Variants in RGS6 observed in about 807,000 individuals in gnomAD.
RGS6 encodes the protein regulator of G protein signaling 6, also known as regulator of G-protein signaling 6.
Under a neutral mutation model 78.5 loss-of-function variants are expected in RGS6, and 30 were observed. The observed-to-expected ratio is 0.38, with a 90% confidence interval of 0.29 to 0.52. RGS6 has a LOEUF of 0.52. Ranked by LOEUF, RGS6 falls within the 20% of genes least tolerant of loss-of-function variation. The pLI is 0.85. For missense variants in RGS6, 495 were observed against 609.7 expected (o/e 0.81, Z 1.98); for synonymous variants, 206 against 206.0 (o/e 1.00, Z 0.00).
In RGS6 at chr14:72,283,568, A is replaced by G. The variant is rs568946708; in HGVS notation, c.85-68527A>G. ...CACTCTCTCTTGTCTGCCACCATGT[A>G]AGACATGCCTTTTGCCTTCCACCAT... On this transcript the variant is annotated intron_variant, in intron 2 of 17. Coordinates refer to ENST00000553525, the MANE Select transcript of RGS6 (RefSeq NM_001204424.2). Among the ~76,000 whole-genome samples, 6 of 152,206 alleles carry G rather than the reference A, an allele frequency of 3.9e-5. No homozygotes were observed. In the East Asian group the frequency reaches 1.2e-3, roughly 29 times the overall value.
the RGS6 span, among the ~76,000 whole-genome samples, chr14:71,893,335 C>T: frequency 6.6e-6 from 1 of 152,274 alleles, no homozygotes. Context: ...TTTACATAAA[C>T]AGGATATAAG....
At position 72,462,414 on chromosome 14, in the gene RGS6, C is replaced by G. The variant is rs151082570; in HGVS notation, c.394+2731C>G. ...TTGTGGGTCCCCAACAATGAACACA[C>G]TTTCCCAAGTTTTTTCCCTACTTGG... On this transcript the variant is annotated intron_variant, in intron 6 of 17. Coordinates refer to ENST00000553525, the MANE Select transcript of RGS6 (RefSeq NM_001204424.2). 8.7e-4 allele frequency among the ~76,000 whole-genome samples: 133 copies of G among 152,264 alleles called. 3 individuals carry two copies. In the East Asian group the frequency reaches 0.023, roughly 26 times the overall value.
intron 2 of RGS6, among the ~76,000 whole-genome samples, chr14:72,210,297 G>A (rs1369676340): frequency 7.2e-5 from 11 of 152,270 alleles, no homozygotes. Flanking sequence ...GTTCCTTTTT[G>A]CTGCTAGAGA....
At chr14:72,360,909 T>C (rs2081321845) in intron 3 of RGS6, among the ~76,000 whole-genome samples, 1 of 152,106 alleles carries the variant, frequency 6.6e-6, no homozygotes, top group Non-Finnish European at 1.5e-5. Context: ...GCTATTCTCA[T>C]GATAGTGAGC....
intron 2 of RGS6, among the ~76,000 whole-genome samples, chr14:72,186,391 G>C (rs72719876): frequency 6.6e-6 from 1 of 152,226 alleles, no homozygotes; most frequent in Non-Finnish European, 1.5e-5. Context: ...TGCCCTTGAG[G>C]GAGGTAACTT....
chr14:71,957,193 A>G (rs2153021570), intron 1 of RGS6, among the ~76,000 whole-genome samples: 1 of 152,272 alleles, frequency 6.6e-6, no homozygotes, highest in East Asian at 1.9e-4. Context: ...GGTGTTAGGG[A>G]AGCAGAAGAA....
chr14:72,625,214 TACATTTACTC>T, the RGS6 span, among the ~76,000 whole-genome samples: 1 of 152,198 alleles, frequency 6.6e-6, no homozygotes, highest in Non-Finnish European at 1.5e-5. Context: ...CCTTTCCCTC[TACATTTACTC>T]ATTGGAATTC....
At chr14:72,397,446 T>G (rs1051167995) in intron 3 of RGS6, among the ~76,000 whole-genome samples, 2 of 151,970 alleles carry the variant, frequency 1.3e-5, no homozygotes, top group African/African-American at 2.4e-5. Flanking sequence ...AAGGAGATTT[T>G]GGGCTGAGAC....
At chr14:72,086,471 G>A (rs1490352468) in intron 2 of RGS6, among the ~76,000 whole-genome samples, 6 of 152,086 alleles carry the variant, frequency 3.9e-5, no homozygotes, top group African/African-American at 1.4e-4. Flanking sequence ...GAAAATAATC[G>A]CAGTGATATT....
intron 3 of RGS6, among the ~76,000 whole-genome samples, chr14:72,382,784 A>G (rs1201877812): frequency 6.6e-6 from 1 of 152,220 alleles, no homozygotes; most frequent in African/African-American, 2.4e-5. Context: ...CAAGGATACA[A>G]TTCAAAAACA....
chr14:72,407,624 G>A (rs540503882), intron 3 of RGS6, among the ~76,000 whole-genome samples: 10 of 152,308 alleles, frequency 6.6e-5, no homozygotes, highest in African/African-American at 2.4e-4. Context: ...ACAGTAAACC[G>A]GGAGAGGCTT....
the RGS6 span, chr14:72,612,663 C>T: frequency 9.8e-6 from 5 of 511,942 alleles, no homozygotes; most frequent in South Asian, 4.2e-5. Context: ...AAACCAAGTC[C>T]GTATAAACCA....
chr14:72,263,011 C>G (rs2058436092), intron 2 of RGS6, among the ~76,000 whole-genome samples: 1 of 152,104 alleles, frequency 6.6e-6, no homozygotes, highest in South Asian at 2.1e-4. Context: ...TCCCAAGAGT[C>G]AACTCTGACT....
chr14:72,559,195 C>T (rs1180387757), intron 17 of RGS6, among the ~76,000 whole-genome samples: 2 of 152,246 alleles, frequency 1.3e-5, no homozygotes, highest in Non-Finnish European at 2.9e-5. Flanking sequence ...GAGCTCCCCT[C>T]TCTCTGGGCA....
intron 1 of RGS6, among the ~76,000 whole-genome samples, chr14:71,956,089 G>A (rs2092766334): frequency 6.6e-6 from 1 of 152,140 alleles, no homozygotes; most frequent in Non-Finnish European, 1.5e-5. Context: ...AACAAGCTTG[G>A]TAGGAAAACA....
chr14:72,098,186 G>A (rs1017009016), intron 2 of RGS6, among the ~76,000 whole-genome samples: 9 of 152,168 alleles, frequency 5.9e-5, no homozygotes, highest in Non-Finnish European at 1.3e-4. Flanking sequence ...CCCCATCCTC[G>A]GGGTCTGGTT....
chr14:72,400,529 C>T (rs772286998), intron 3 of RGS6, among the ~76,000 whole-genome samples: 3 of 152,086 alleles, frequency 2.0e-5, no homozygotes, highest in Non-Finnish European at 2.9e-5. Context: ...TATAAGCTAT[C>T]GATGGAACAG....
At chr14:72,446,834 G>A (rs1182458535) in intron 3 of RGS6, among the ~76,000 whole-genome samples, 18 of 152,106 alleles carry the variant, frequency 1.2e-4, no homozygotes, top group Admixed American at 1.2e-3. Flanking sequence ...TCACAATAGG[G>A]TTCATGCTCC....
At chr14:72,338,770 CA>C (rs2076480775) in intron 2 of RGS6, among the ~76,000 whole-genome samples, 1 of 152,126 alleles carries the variant, frequency 6.6e-6, no homozygotes, top group African/African-American at 2.4e-5. Flanking sequence ...GGGAGCTGCA[CA>C]AAAGAAGGTC....
Sources: allele counts gnomAD v4.1 joint callset (sites outside exome capture counted in the v4.1 genomes callset), GRCh38; gene constraint gnomAD v4.1.1; transcripts MANE v1.5; gene names NCBI Gene and HGNC (gene_info 2026-07-23, HGNC 2026-07-21).